The following ZNF423 variants were observed in gnomAD, a reference collection of about 807,000 sequenced individuals.
ZNF423 encodes the protein zinc finger protein 423.
Under a neutral mutation model 95.8 loss-of-function variants are expected in ZNF423, and 12 were observed. The observed-to-expected ratio is 0.13, with a 90% CI of 0.08 to 0.20. The LOEUF is 0.20. Ranked by LOEUF, ZNF423 falls within the 10% of genes least tolerant of loss-of-function variation. ZNF423 has a pLI of 1.00. For synonymous variants in ZNF423, 749 were observed against 711.9 expected (o/e 1.05, Z -0.83); for missense variants, 1,316 against 1,737.1 (o/e 0.76, Z 4.31).
chr16:49,551,425 C>T (rs1174309295), intron 5 of ZNF423, among the ~76,000 whole-genome samples: 2 of 152,208 alleles, frequency 1.3e-5, no homozygotes, highest in African/African-American at 2.4e-5. Context: ...GAGACACATT[C>T]TAAGTACCCA....
chr16:49,559,705 G>T (rs1969954509), intron 5 of ZNF423, among the ~76,000 whole-genome samples: 1 of 152,156 alleles, frequency 6.6e-6, no homozygotes. Context: ...TTGAACCAAG[G>T]TCTACTGTCT....
chr16:49,582,803 A>G (rs1325792235), intron 5 of ZNF423, among the ~76,000 whole-genome samples: 2 of 152,226 alleles, frequency 1.3e-5, no homozygotes, highest in African/African-American at 4.8e-5. Flanking sequence ...GTTGATGAAA[A>G]AAACACTTAT....
At chr16:49,740,072 T>C (rs1410018959) in intron 2 of ZNF423, among the ~76,000 whole-genome samples, 1 of 152,002 alleles carries the variant, frequency 6.6e-6, no homozygotes, top group Non-Finnish European at 1.5e-5. Flanking sequence ...TTTTGTTATG[T>C]TGCCTAGGCT....
intron 7 of ZNF423, among the ~76,000 whole-genome samples, chr16:49,520,792 TCCAATG>T (rs1391108860): frequency 6.6e-6 from 1 of 151,946 alleles, no homozygotes; most frequent in Non-Finnish European, 1.5e-5. Flanking sequence ...CAATGAACAC[TCCAATG>T]CCTGAAAAAC....
chr16:49,769,706 G>A (rs955316998), intron 2 of ZNF423, among the ~76,000 whole-genome samples: 7 of 151,436 alleles, frequency 4.6e-5, no homozygotes, highest in Middle Eastern at 3.2e-3. Context: ...TTTCTGCTCC[G>A]TCTTTCCCCT....
In ZNF423 at chr16:49,819,997, G is replaced by A. The variant is rs61365223; in HGVS notation, c.41-30451C>T. Among the ~76,000 whole-genome samples the A allele has an allele frequency of 4.7e-3, 714 of 152,216 alleles. 6 individuals are homozygous for A. Among genetic ancestry groups the A allele is most frequent in the African/African-American group, 0.016 (675 of 41,516 alleles). On this transcript the variant is annotated intron_variant, in intron 1 of 7. Transcript: ENST00000563137. ...AAGCCCTGATGTTTGTAGGTTAGGA[G>A]TATTATTAAAGGTATATTTGTTGAA...
intron 3 of ZNF423, among the ~76,000 whole-genome samples, chr16:49,660,697 A>G (rs2030169127): frequency 6.6e-6 from 1 of 152,146 alleles, no homozygotes; most frequent in South Asian, 2.1e-4. Flanking sequence ...AGCCTCTTGG[A>G]GCCAGGGAAG....
chr16:49,625,624 G>A (rs1306473548), intron 5 of ZNF423, among the ~76,000 whole-genome samples: 1 of 152,260 alleles, frequency 6.6e-6, no homozygotes, highest in East Asian at 1.9e-4. Flanking sequence ...CAAGGTAGAG[G>A]GGACTTCACA....
At chr16:49,598,356 G>A (rs943315094) in intron 5 of ZNF423, among the ~76,000 whole-genome samples, 14 of 152,226 alleles carry the variant, frequency 9.2e-5, no homozygotes, top group African/African-American at 2.7e-4. Context: ...TGCACGTAAG[G>A]TGCCTGGCCA....
chr16:49,560,531 T>G (rs1969980543), intron 5 of ZNF423, among the ~76,000 whole-genome samples: 1 of 152,138 alleles, frequency 6.6e-6, no homozygotes, highest in East Asian at 1.9e-4. Flanking sequence ...CCCCGCAAAA[T>G]CAAAAGGCTT....
intron 1 of ZNF423, among the ~76,000 whole-genome samples, chr16:49,805,389 C>T (rs2034646683): frequency 6.6e-6 from 1 of 152,216 alleles, no homozygotes; most frequent in African/African-American, 2.4e-5. Flanking sequence ...AAAGCAGGTA[C>T]TCATCTTACA....
At chr16:49,650,340 G>C (rs60564233) in intron 3 of ZNF423, among the ~76,000 whole-genome samples, 5,368 of 152,278 alleles carry the variant, frequency 0.035, 301 homozygotes, top group African/African-American at 0.12. Flanking sequence ...CCCTCTCTGA[G>C]TGCCCATGTC....
At chr16:49,711,772 G>A (rs1284264194) in intron 3 of ZNF423, 1 of 152,176 alleles carries the variant, frequency 6.6e-6, no homozygotes, top group South Asian at 2.1e-4. Flanking sequence ...TTAACAAGGG[G>A]GTGGGGACAG....
chr16:49,858,322 C>A (rs892031520), upstream of ZNF423, among the ~76,000 whole-genome samples: 1 of 151,420 alleles, frequency 6.6e-6, no homozygotes, highest in Admixed American at 6.6e-5. The surrounding 1 kb of genome is among the most constrained non-coding windows in gnomAD (Gnocchi z 4.3). Context: ...CCGCTCAGCT[C>A]TCTCCGCGGT....
At chr16:49,712,414 A>G (rs2032572969) in intron 3 of ZNF423, among the ~76,000 whole-genome samples, 1 of 152,238 alleles carries the variant, frequency 6.6e-6, no homozygotes, top group Non-Finnish European at 1.5e-5. Context: ...AAAAGAAACA[A>G]TAGAAAGAGA....
chr16:49,855,900 C>G lies in ZNF423; in HGVS notation c.-126G>C, dbSNP rs2035362200. The G allele has an allele frequency of 6.6e-6, 1 of 150,712 alleles. No individual in the cohort carries two copies. 9.3% of individuals were successfully genotyped at this position (150,712 alleles called of 1,614,324 possible). A position where few individuals can be genotyped will look rare whatever the true frequency, so the allele number is the denominator to read the frequency against. ...CTTGGAAACTTTTTTTTTTGCAGCC[C>G]GGTTGGCGGCTGTGGGGAGCGGACC... On this transcript the variant is annotated 5_prime_UTR_variant, in exon 1 of 8. Transcript: ENST00000563137. The surrounding 1 kb of genome is among the most constrained non-coding windows in gnomAD (Gnocchi z 4.7).
chr16:49,794,554 A>T (rs2034469723), intron 1 of ZNF423, among the ~76,000 whole-genome samples: 1 of 152,144 alleles, frequency 6.6e-6, no homozygotes, highest in African/African-American at 2.4e-5. Context: ...CCTCTGTTCA[A>T]GCACACGTGC....
In ZNF423 at chr16:49,767,002, ACT is replaced by A. The variant is rs2033941847; in HGVS notation, c.100+22483_100+22484del. Among the ~76,000 whole-genome samples, 5 of 149,866 alleles carry A rather than the reference ACT, an allele frequency of 3.3e-5. No homozygotes were observed. The South Asian group carries it at 8.4e-4, about 25-fold the overall frequency. Reference sequence around the variant, plus strand: ...TTTTTTTTTTTAGAGGCAGGGTCTCACTCTGTTGCCCAAGCTGTAGTGCAGTG... The same window carrying A: ...TTTTTTTTTTTAGAGGCAGGGTCTCACTGTTGCCCAAGCTGTAGTGCAGTG... On this transcript the variant is annotated intron_variant, in intron 2 of 7. Transcript: ENST00000563137.
intron 3 of ZNF423, among the ~76,000 whole-genome samples, chr16:49,695,504 G>C (rs1359014972): frequency 6.6e-6 from 1 of 152,252 alleles, no homozygotes; most frequent in African/African-American, 2.4e-5. Context: ...TGTGGGTCAG[G>C]CTGGTCTCGA....
Sources: gnomAD v4.1 joint callset for allele counts (sites outside exome capture counted in the v4.1 genomes callset) on GRCh38, gnomAD v4.1.1 for gene constraint, Gnocchi (gnomAD v3.1) non-coding constraint, MANE v1.5 for transcripts, NCBI Gene and HGNC (gene_info 2026-07-23, HGNC 2026-07-21) for gene names.